The following EDA variants were observed in gnomAD, a reference collection of about 807,000 sequenced individuals.
The protein encoded by EDA is ectodysplasin-A.
A neutral mutation model predicts 23.6 loss-of-function variants in EDA; 2 were observed. The observed-to-expected ratio is 0.08, with a 90% CI of 0.03 to 0.27. The LOEUF (loss-of-function observed/expected upper bound fraction) is 0.27, where lower values mean the gene tolerates loss of function less well. EDA is among the 10% of genes least tolerant of loss of function. The pLI, the probability that EDA is intolerant of heterozygous loss-of-function variation, is 1.00. For missense variants in EDA, 229 were observed against 324.2 expected (o/e 0.71, Z 2.26); for synonymous variants, 131 against 132.0 (o/e 0.99, Z 0.05).
intron 1 of EDA, among the ~76,000 whole-genome samples, chrX:69,679,216 C>T (rs1291904597): frequency 1.1e-4 from 12 of 107,111 alleles, no homozygotes; most frequent in East Asian, 6.0e-4. Context: ...CTGCTGGATT[C>T]GGTTTGCCAG....
At chrX:70,011,278 A>G (rs1225986227) in intron 2 of EDA, among the ~76,000 whole-genome samples, 1 of 109,352 alleles carries the variant, frequency 9.1e-6, no homozygotes. Flanking sequence ...TACTGCTGTG[A>G]TTTGTTTCAC....
intron 1 of EDA, among the ~76,000 whole-genome samples, chrX:69,956,224 C>T (rs747020835): frequency 2.3e-4 from 26 of 111,201 alleles, no homozygotes; most frequent in Non-Finnish European, 4.7e-4. Flanking sequence ...GTGGCAAAAT[C>T]ATGAATGTGT....
intron 1 of EDA, among the ~76,000 whole-genome samples, chrX:69,903,618 CAT>C (rs1177921931): frequency 2.8e-5 from 3 of 108,968 alleles, no homozygotes; most frequent in Non-Finnish European, 5.7e-5. Context: ...CACACACACA[CAT>C]ATCTTGGGGA....
chrX:69,676,275 A>G (rs927417001), intron 1 of EDA, among the ~76,000 whole-genome samples: 1 of 111,739 alleles, frequency 8.9e-6, no homozygotes, highest in Non-Finnish European at 1.9e-5. Flanking sequence ...AGACTGTAGC[A>G]GGGCAAGGGT....
chrX:69,903,570 G>T, intron 1 of EDA, among the ~76,000 whole-genome samples: 1 of 96,631 alleles, frequency 1.0e-5, no homozygotes, highest in African/African-American at 4.0e-5. Flanking sequence ...CCCCTACCAG[G>T]CCCCCTCCGC....
chrX:69,843,804 C>T (rs1430709601), intron 1 of EDA, among the ~76,000 whole-genome samples: 7 of 110,964 alleles, frequency 6.3e-5, no homozygotes, highest in African/African-American at 2.0e-4. Context: ...AGGTGGATCA[C>T]GAGGTCAGGA....
At chrX:69,620,531 A>ATT in intron 1 of EDA, 14 of 134,457 alleles carry the variant, frequency 1.0e-4, no homozygotes, top group South Asian at 5.8e-4. Context: ...AAATCCAAGG[A>ATT]TTTTTTTTTT....
chrX:69,852,021 A>G (rs920327953), intron 1 of EDA, among the ~76,000 whole-genome samples: 1 of 112,331 alleles, frequency 8.9e-6, no homozygotes, highest in African/African-American at 3.2e-5. Context: ...GGCATGTTAT[A>G]TCCTACAGAA....
chrX:69,702,346 A>G (rs1026875420), intron 1 of EDA, among the ~76,000 whole-genome samples: 2 of 110,706 alleles, frequency 1.8e-5, no homozygotes, highest in African/African-American at 6.6e-5. Context: ...TAGGGGCATA[A>G]GGTGGCAGGA....
intron 2 of EDA, among the ~76,000 whole-genome samples, chrX:69,968,859 T>C (rs1361164495): frequency 8.9e-6 from 1 of 112,249 alleles, no homozygotes; most frequent in Admixed American, 9.5e-5. Context: ...AGAACATAAG[T>C]CCTATGTAAT....
chrX:70,032,348 G>A (rs985314812), intron 6 of EDA, among the ~76,000 whole-genome samples: 2 of 110,762 alleles, frequency 1.8e-5, no homozygotes, highest in Non-Finnish European at 3.8e-5. Flanking sequence ...GACAGAGCCA[G>A]GGCAGCTCCT....
intron 1 of EDA, among the ~76,000 whole-genome samples, chrX:69,899,793 A>G (rs944844149): frequency 1.8e-5 from 2 of 111,523 alleles, no homozygotes; most frequent in African/African-American, 3.3e-5. Flanking sequence ...GAAAGGTAAT[A>G]TATCTTGCAA....
At chrX:69,918,365 C>T (rs2018376871) in intron 1 of EDA, among the ~76,000 whole-genome samples, 1 of 110,393 alleles carries the variant, frequency 9.1e-6, no homozygotes, top group South Asian at 3.9e-4. Flanking sequence ...CCATATTGGC[C>T]AGGCAGGTCT....
intron 1 of EDA, among the ~76,000 whole-genome samples, chrX:69,893,501 A>G (rs1189279838): frequency 8.9e-6 from 1 of 112,075 alleles, no homozygotes; most frequent in Non-Finnish European, 1.9e-5. Flanking sequence ...TTTGTGATAG[A>G]ATTGATTCAA....
intron 2 of EDA, among the ~76,000 whole-genome samples, chrX:69,967,115 G>A (rs1274740070): frequency 9.1e-6 from 1 of 110,343 alleles, no homozygotes; most frequent in African/African-American, 3.3e-5. Context: ...TGTTTGATTT[G>A]TTACAATAAC....
At chrX:69,863,240 T>C (rs933171840) in intron 1 of EDA, among the ~76,000 whole-genome samples, 11 of 109,095 alleles carry the variant, frequency 1.0e-4, no homozygotes, top group African/African-American at 3.0e-4. Context: ...TACTGATATT[T>C]GAGACTCCCC....
chrX:70,030,133 C>A (rs762109964), intron 5 of EDA, among the ~76,000 whole-genome samples: 1 of 112,257 alleles, frequency 8.9e-6, no homozygotes, highest in African/African-American at 3.2e-5. Context: ...CAGTGCTTGA[C>A]GGCTTGCAGG....
chrX:69,771,181 C>G (rs370729343), intron 1 of EDA, among the ~76,000 whole-genome samples: 130 of 110,392 alleles, frequency 1.2e-3, no homozygotes, highest in African/African-American at 4.0e-3. Context: ...CTCAGCCCCC[C>G]CAAGTCGCTG....
At position 69,618,578 on chromosome X, in the gene EDA, G is replaced by T. The variant is rs1194258507; in HGVS notation, c.396+1874G>T. Among the ~76,000 whole-genome samples the T allele has an allele frequency of 4.5e-5, 5 of 111,617 alleles. No individual in the cohort carries two copies. In the East Asian group the frequency reaches 8.5e-4, roughly 19 times the overall value. ...CCTAAAGGGAAAGTGACTTGCCCAA[G>T]GTCACATAACTAGAGTCAAAACTGG... On this transcript the variant is annotated intron_variant, in intron 1 of 7. Transcript: ENST00000374552.
Sources: gnomAD v4.1 joint callset for allele counts (sites outside exome capture counted in the v4.1 genomes callset) on GRCh38, gnomAD v4.1.1 for gene constraint, MANE v1.5 for transcripts, NCBI Gene and HGNC (gene_info 2026-07-23, HGNC 2026-07-21) for gene names.